SVIL: variants seen among roughly 807,000 people sequenced by gnomAD.
SVIL encodes the protein archvillin.
Under a neutral mutation model 240.4 loss-of-function variants are expected in SVIL, and 101 were observed. That is an observed-to-expected ratio of 0.42 (90% CI 0.36 to 0.50). The LOEUF (loss-of-function observed/expected upper bound fraction) is 0.50. Ranked by LOEUF, SVIL falls within the 20% of genes least tolerant of loss-of-function variation. The probability of loss-of-function intolerance (pLI) is 0.01; values close to 1 mark genes in which losing one functional copy is unlikely to be tolerated. For synonymous variants in SVIL, 999 were observed against 1,100.0 expected (o/e 0.91, Z 1.82); for missense variants, 2,512 against 2,818.7 (o/e 0.89, Z 2.46).
chr10:29,532,199 TAAGG>T (rs1246346830), intron 8 of SVIL, 27 bp from the exon 9 acceptor site: 1 of 1,603,318 alleles, frequency 6.2e-7, no homozygotes, highest in Non-Finnish European at 8.5e-7. Flanking sequence ...GCAGAGAGTA[TAAGG>T]AAGGCAAACG....
At chr10:29,536,117 A>G in intron 6 of SVIL, 48 bp from the exon 7 acceptor site, 2 of 1,542,770 alleles carry the variant, frequency 1.3e-6, no homozygotes, top group Non-Finnish European at 1.8e-6. Context: ...TAAAACGTCA[A>G]CATATACACA....
intron 1 of SVIL, among the ~76,000 whole-genome samples, chr10:29,693,103 G>A (rs1014747089): frequency 6.6e-6 from 1 of 152,116 alleles, no homozygotes; most frequent in African/African-American, 2.4e-5. Flanking sequence ...TTTTCCATAT[G>A]TTAACTCACC....
intron 1 of SVIL, among the ~76,000 whole-genome samples, chr10:29,732,592 A>G (rs1298262014): frequency 6.6e-6 from 1 of 152,210 alleles, no homozygotes; most frequent in Non-Finnish European, 1.5e-5. Flanking sequence ...CAATTTTCAG[A>G]TCATACATAG....
intron 9 of SVIL, 104 bp from the exon 10 acceptor site, chr10:29,531,392 C>A (rs1055269428): frequency 2.5e-6 from 3 of 1,183,036 alleles, no homozygotes; most frequent in Admixed American, 2.0e-5. Flanking sequence ...CAATTAAATT[C>A]TTTTAAGAAA....
intron 1 of SVIL, among the ~76,000 whole-genome samples, chr10:29,571,672 C>A (rs952016959): frequency 5.3e-5 from 8 of 152,102 alleles, no homozygotes; most frequent in Non-Finnish European, 1.0e-4. Context: ...ATTAGATTGC[C>A]CCCGCTTAAT....
chr10:29,547,303 T>A (rs147494274), intron 6 of SVIL, among the ~76,000 whole-genome samples: 1,635 of 152,342 alleles, frequency 0.011, 14 homozygotes, highest in Non-Finnish European at 0.019. Context: ...TCCCTCTTTA[T>A]GTAAATATGT....
chr10:29,695,699 G>A (rs1961874678), intron 1 of SVIL, among the ~76,000 whole-genome samples: 1 of 151,972 alleles, frequency 6.6e-6, no homozygotes, highest in Non-Finnish European at 1.5e-5. Flanking sequence ...AACCGAGATT[G>A]CACCACTGCA....
intron 1 of SVIL, among the ~76,000 whole-genome samples, chr10:29,590,363 C>G (rs1383409894): frequency 6.6e-6 from 1 of 152,118 alleles, no homozygotes; most frequent in East Asian, 1.9e-4. Context: ...CAGCCCCTGA[C>G]ACTCAGCCTT....
intron 22 of SVIL, among the ~76,000 whole-genome samples, chr10:29,489,593 C>T (rs139655501): frequency 1.3e-5 from 2 of 152,176 alleles, no homozygotes; most frequent in Non-Finnish European, 2.9e-5. Context: ...TGTCGCCCAG[C>T]CTGGAGTGCA....
chr10:29,502,470 A>G (rs1948971781), intron 17 of SVIL, among the ~76,000 whole-genome samples: 1 of 152,094 alleles, frequency 6.6e-6, no homozygotes. Flanking sequence ...ATATAGTAAT[A>G]AGTATTGTGT....
rs1272953205 is a variant in SVIL at position 29,524,022 on chromosome 10, C to G, written c.2592G>C (p.Gln864His). The G allele has an allele frequency of 1.2e-6, 2 of 1,603,354 alleles. No individual in the cohort carries two copies. Reference protein sequence around the residue: ...PVTLGEVEQVQSGKLIPFSPA... With the variant: ...PVTLGEVEQVHSGKLIPFSPA... The stretch of plus-strand genomic sequence containing the variant: ...GTGAGAAAGGAATGAGCTTTCCACT[C>G]TGCACCTGGAAGGACACAGTTAAAA... Residue 864 changes from glutamine (Q) to histidine (H), a missense_variant, in exon 15 of 38, where the codon CAG becomes CAC. This residue lies in a region of SVIL where 1,443 missense variants were observed against 1,486.6 expected (regional missense o/e 0.97). Coordinates refer to ENST00000355867, the MANE Select transcript of SVIL (RefSeq NM_021738.3).
At chr10:29,473,135 G>A (rs933800062) in intron 30 of SVIL, among the ~76,000 whole-genome samples, 3 of 151,970 alleles carry the variant, frequency 2.0e-5, no homozygotes, top group African/African-American at 7.3e-5. Context: ...GAGGGGAGGA[G>A]CAGGGGGAGC....
intron 1 of SVIL, among the ~76,000 whole-genome samples, chr10:29,712,853 A>G (rs1255832751): frequency 6.6e-6 from 1 of 152,212 alleles, no homozygotes; most frequent in African/African-American, 2.4e-5. Flanking sequence ...AATAAATGCA[A>G]CAAGATATAG....
At chr10:29,554,647 C>G in intron 5 of SVIL, 136 bp downstream of exon 5, 1 of 1,170,214 alleles carries the variant, frequency 8.5e-7, no homozygotes, top group Non-Finnish European at 1.1e-6. Context: ...AGAGTGAAAC[C>G]TTGTGCTAAA....
chr10:29,465,553 T>C (rs771185982), intron 34 of SVIL, 42 bp downstream of exon 34: 4 of 1,543,882 alleles, frequency 2.6e-6, no homozygotes, highest in Non-Finnish European at 3.5e-6. Flanking sequence ...CTGGAAGATG[T>C]GCCTTCTACT....
At chr10:29,554,055 A>C (rs1026479494) in intron 5 of SVIL, among the ~76,000 whole-genome samples, 2 of 152,170 alleles carry the variant, frequency 1.3e-5, no homozygotes, top group Non-Finnish European at 2.9e-5. Context: ...GTTACCCAAC[A>C]ATGTGCGAGG....
At chr10:29,463,677 C>G (rs1272970805) in intron 34 of SVIL, 42 bp from the exon 35 acceptor site, 1 of 1,603,782 alleles carries the variant, frequency 6.2e-7, no homozygotes, top group Admixed American at 1.7e-5. Context: ...GGAGCTCCTT[C>G]ACGGACACTT....
chr10:29,727,366 G>A (rs1345368398), intron 1 of SVIL, among the ~76,000 whole-genome samples: 1 of 151,886 alleles, frequency 6.6e-6, no homozygotes, highest in Non-Finnish European at 1.5e-5. Flanking sequence ...TGGGCTCAAG[G>A]AATTCTGCCT....
intron 1 of SVIL, among the ~76,000 whole-genome samples, chr10:29,705,191 G>C (rs1360402687): frequency 6.6e-6 from 1 of 152,186 alleles, no homozygotes; most frequent in African/African-American, 2.4e-5. Context: ...CTTTCCCAAA[G>C]AGATTTTGGG....
Sources: gnomAD v4.1 joint callset for allele counts (sites outside exome capture counted in the v4.1 genomes callset) on GRCh38, gnomAD v4.1.1 for gene constraint, gnomAD v4.1.1 regional missense constraint, MANE v1.5 for transcripts, NCBI Gene and HGNC (gene_info 2026-07-23, HGNC 2026-07-21) for gene names.